Variants in GSG1L observed in about 807,000 individuals in gnomAD.
The protein encoded by GSG1L is GSG1 like.
In GSG1L, 24 loss-of-function variants were observed where a neutral mutation model predicts 42.1. The ratio of observed to expected loss-of-function variants is 0.57; its 90% CI spans 0.41 to 0.80. GSG1L has a LOEUF of 0.80. Ranked by LOEUF, GSG1L falls within the 30% of genes least tolerant of loss-of-function variation. GSG1L has a pLI of 0.00. For missense variants in GSG1L, 445 were observed against 472.2 expected (o/e 0.94, Z 0.53); for synonymous variants, 215 against 203.5 (o/e 1.06, Z -0.48).
At chr16:27,877,923 C>T (rs982193075) in intron 3 of GSG1L, among the ~76,000 whole-genome samples, 17 of 152,294 alleles carry the variant, frequency 1.1e-4, no homozygotes, top group South Asian at 1.0e-3. Flanking sequence ...GGGTTCAACA[C>T]GTTACTAGCC....
chr16:27,831,976 G>C (rs1057063093), intron 4 of GSG1L, among the ~76,000 whole-genome samples: 1 of 151,912 alleles, frequency 6.6e-6, no homozygotes, highest in African/African-American at 2.4e-5. Flanking sequence ...TGCCCAGCTG[G>C]TCCCTTCTCA....
At chr16:27,827,299 G>A (rs1318156763) in intron 5 of GSG1L, among the ~76,000 whole-genome samples, 1 of 152,144 alleles carries the variant, frequency 6.6e-6, no homozygotes, top group Non-Finnish European at 1.5e-5. Context: ...GGCCATTCGC[G>A]GGTACCTCTA....
At chr16:27,993,978 T>C (rs184212764) in intron 1 of GSG1L, among the ~76,000 whole-genome samples, 17 of 152,332 alleles carry the variant, frequency 1.1e-4, no homozygotes, top group African/African-American at 3.8e-4. Context: ...CCATTTCTTA[T>C]AAAAGGCTTT....
At chr16:27,949,696 C>T (rs564833404) in intron 2 of GSG1L, among the ~76,000 whole-genome samples, 35 of 152,242 alleles carry the variant, frequency 2.3e-4, no homozygotes, top group Middle Eastern at 3.4e-3. Flanking sequence ...GAGGCCGAGG[C>T]GGGCGGATCA....
At chr16:27,937,550 C>T (rs911090494) in intron 2 of GSG1L, among the ~76,000 whole-genome samples, 7 of 152,278 alleles carry the variant, frequency 4.6e-5, no homozygotes, top group African/African-American at 1.7e-4. Context: ...CCCCTTCTGC[C>T]CTCTCGAAGG....
At chr16:27,817,408 C>CT (rs974326774) in intron 5 of GSG1L, among the ~76,000 whole-genome samples, 3 of 152,374 alleles carry the variant, frequency 2.0e-5, no homozygotes, top group African/African-American at 7.2e-5. Context: ...TATCCAGCCA[C>CT]TGCCTTGTAT....
Position 27,807,499 on chromosome 16 carries a change from T to G in GSG1L, c.886A>C (p.Arg296=). The G allele has an allele frequency of 6.2e-7, 1 of 1,613,084 alleles. No homozygotes were observed. ...ACAGGCCACTTACGGGCAGGGTATC[T>G]CTCGTGGCGGCAGTCTAAGTGAAAG... is the stretch of plus-strand genomic sequence containing the variant. ...EDFHLDCRHE[R]YPARHQPHMA... Residue 296 remains arginine (R), a synonymous_variant, in exon 6 of 7, where the codon AGA becomes CGA. Transcript: ENST00000447459.
At chr16:27,908,182 T>A (rs1298531569) in intron 2 of GSG1L, among the ~76,000 whole-genome samples, 1 of 152,268 alleles carries the variant, frequency 6.6e-6, no homozygotes, top group Non-Finnish European at 1.5e-5. Context: ...CAGGCTAGCC[T>A]GCTGGAGGAT....
chr16:28,054,722 C>T (rs2086260797), intron 1 of GSG1L, among the ~76,000 whole-genome samples: 1 of 151,964 alleles, frequency 6.6e-6, no homozygotes, highest in African/African-American at 2.4e-5. Flanking sequence ...GGAACTCAAT[C>T]CTGTCAAGAG....
At chr16:27,923,029 C>G (rs2141064892) in intron 2 of GSG1L, among the ~76,000 whole-genome samples, 1 of 152,332 alleles carries the variant, frequency 6.6e-6, no homozygotes, top group East Asian at 1.9e-4. Context: ...CTCAAGCAAT[C>G]CTCCTGCCTT....
chr16:27,964,576 G>A (rs576564932), intron 1 of GSG1L, among the ~76,000 whole-genome samples: 1 of 152,276 alleles, frequency 6.6e-6, no homozygotes, highest in East Asian at 1.9e-4. Context: ...ACACAATGAA[G>A]TACTCTTCAG....
chr16:28,047,074 T>C (rs1567568771), intron 1 of GSG1L, among the ~76,000 whole-genome samples: 2 of 152,088 alleles, frequency 1.3e-5, no homozygotes, highest in African/African-American at 4.8e-5. Context: ...CCATAGACCA[T>C]CATATCTTGC....
chr16:27,849,369 G>A (rs1236355348), intron 3 of GSG1L, among the ~76,000 whole-genome samples: 4 of 152,186 alleles, frequency 2.6e-5, no homozygotes, highest in Non-Finnish European at 4.4e-5. Flanking sequence ...GCCTTAAGCA[G>A]GGGTCTAACT....
At chr16:27,798,497 T>C (rs760093274) in intron 6 of GSG1L, among the ~76,000 whole-genome samples, 1 of 152,040 alleles carries the variant, frequency 6.6e-6, no homozygotes, top group Non-Finnish European at 1.5e-5. Context: ...AACCTAGCAA[T>C]ATTGTGGTTT....
intron 3 of GSG1L, among the ~76,000 whole-genome samples, chr16:27,856,193 C>A (rs1333728144): frequency 6.6e-6 from 1 of 152,202 alleles, no homozygotes; most frequent in African/African-American, 2.4e-5. Flanking sequence ...GTCATAAAAA[C>A]CAGAAAATGT....
At chr16:28,058,572 A>G (rs1054276535) in intron 1 of GSG1L, among the ~76,000 whole-genome samples, 1 of 149,776 alleles carries the variant, frequency 6.7e-6, no homozygotes. Context: ...AAGCTGTAGT[A>G]AGCTGTGCTC....
intron 1 of GSG1L, among the ~76,000 whole-genome samples, chr16:27,982,935 T>C (rs1375161499): frequency 6.6e-6 from 1 of 152,172 alleles, no homozygotes; most frequent in Non-Finnish European, 1.5e-5. Flanking sequence ...ACATGAGATT[T>C]GTAGGGGACA....
intron 1 of GSG1L, among the ~76,000 whole-genome samples, chr16:28,028,800 C>T (rs933695783): frequency 6.6e-6 from 1 of 152,196 alleles, no homozygotes; most frequent in African/African-American, 2.4e-5. Context: ...ATGCCCCTTC[C>T]TTAAGCCTCC....
intron 2 of GSG1L, among the ~76,000 whole-genome samples, chr16:27,911,376 C>T (rs1003593870): frequency 1.3e-5 from 2 of 151,888 alleles, no homozygotes; most frequent in Non-Finnish European, 2.9e-5. Flanking sequence ...CTGCAACCTC[C>T]GCCTCCCAGG....
Sources: gnomAD v4.1 joint callset for allele counts (sites outside exome capture counted in the v4.1 genomes callset) on GRCh38, gnomAD v4.1.1 for gene constraint, MANE v1.5 for transcripts, NCBI Gene and HGNC (gene_info 2026-07-23, HGNC 2026-07-21) for gene names.